Variants in SLC22A3 observed in about 807,000 individuals in gnomAD.
The protein encoded by SLC22A3 is solute carrier family 22 member 3.
SLC22A3 carries 51 observed loss-of-function variants against 59.1 expected under a neutral mutation model. The observed-to-expected ratio is 0.86, with a 90% CI of 0.69 to 1.09. The LOEUF (loss-of-function observed/expected upper bound fraction) is 1.09, where lower values mean the gene tolerates loss of function less well. Among genes scored for constraint, SLC22A3 ranks in the 50% least tolerant of loss-of-function variants. The pLI is 0.00. For synonymous variants in SLC22A3, 325 were observed against 292.0 expected (o/e 1.11, Z -1.15); for missense variants, 711 against 726.3 (o/e 0.98, Z 0.24).
At chr6:160,433,544 T>TACTACC (rs1354381350) in intron 5 of SLC22A3, among the ~76,000 whole-genome samples, 6 of 151,680 alleles carry the variant, frequency 4.0e-5, no homozygotes, top group Non-Finnish European at 8.8e-5. Context: ...CTACTACTAC[T>TACTACC]ACTACTGCTA....
intron 5 of SLC22A3, chr6:160,425,861 A>G (rs1239410970): frequency 1.0e-6 from 1 of 985,320 alleles, no homozygotes; most frequent in Non-Finnish European, 1.2e-6. Context: ...ATTAATTACC[A>G]TGGCCCAGAG....
intron 1 of SLC22A3, among the ~76,000 whole-genome samples, chr6:160,349,602 A>C (rs1049086708): frequency 6.6e-6 from 1 of 152,126 alleles, no homozygotes; most frequent in Non-Finnish European, 1.5e-5. Flanking sequence ...CGATCCCCAC[A>C]TTTTGGGCAG....
At chr6:160,411,215 C>T (rs182423284) in intron 5 of SLC22A3, among the ~76,000 whole-genome samples, 86 of 152,308 alleles carry the variant, frequency 5.6e-4, no homozygotes, top group Admixed American at 1.8e-3. Flanking sequence ...AATATTGAAT[C>T]ATTCATCTTG....
In SLC22A3 at chr6:160,394,731, TGAA is replaced by T. The variant is rs200373381; in HGVS notation, c.430-3240_430-3238del. On this transcript the variant is annotated intron_variant, in intron 1 of 10. Coordinates refer to ENST00000275300, the MANE Select transcript of SLC22A3 (RefSeq NM_021977.4). ...AGGATTTGAGCTGTTTTGGAAGAGC[TGAA>T]GAAGAAGGAGAGGACAGGGGTCAGG... is the stretch of plus-strand genomic sequence containing the variant. Among the ~76,000 whole-genome samples the T allele has an allele frequency of 1.6e-4, 25 of 152,330 alleles. No individual in the cohort carries two copies. The East Asian group carries it at 4.4e-3, about 27-fold the overall frequency.
intron 1 of SLC22A3, among the ~76,000 whole-genome samples, chr6:160,352,877 A>G (rs762488741): frequency 6.6e-6 from 1 of 152,236 alleles, no homozygotes; most frequent in Non-Finnish European, 1.5e-5. Flanking sequence ...GCTGGAGAGC[A>G]GTGGTGCAAT....
intron 1 of SLC22A3, among the ~76,000 whole-genome samples, chr6:160,366,533 G>A (rs1199686293): frequency 6.6e-6 from 1 of 152,178 alleles, no homozygotes; most frequent in East Asian, 1.9e-4. Flanking sequence ...ACCATTCTGG[G>A]TTCTGGAGGA....
At chr6:160,361,792 G>A (rs1785020993) in intron 1 of SLC22A3, among the ~76,000 whole-genome samples, 1 of 152,166 alleles carries the variant, frequency 6.6e-6, no homozygotes, top group Admixed American at 6.5e-5. Context: ...AAATCAACAA[G>A]TAAAAGATAG....
chr6:160,370,240 A>G (rs1210120817), intron 1 of SLC22A3, among the ~76,000 whole-genome samples: 1 of 152,212 alleles, frequency 6.6e-6, no homozygotes, highest in Non-Finnish European at 1.5e-5. Flanking sequence ...TTCAAGGGAA[A>G]GGGAATTAGA....
chr6:160,389,721 C>T (rs532629467), intron 1 of SLC22A3, among the ~76,000 whole-genome samples: 5 of 152,326 alleles, frequency 3.3e-5, no homozygotes, highest in South Asian at 2.1e-4. Flanking sequence ...ACTCATGCCC[C>T]GGCTTAGCAC....
In SLC22A3 at chr6:160,415,049, T is replaced by C. The variant is rs1370912919; in HGVS notation, c.975+4203T>C. 6.6e-6 allele frequency among the ~76,000 whole-genome samples: 1 copy of C among 152,172 alleles called. No homozygotes were observed. Among genetic ancestry groups the C allele is most frequent in the Admixed American group, 6.5e-5 (1 of 15,276 alleles). ...AGTCTCACACATGGAATCACCTATT[T>C]CTCCAAGGGAGCTTTGGTTTTTGAA... On this transcript the variant is annotated intron_variant, in intron 5 of 10. Coordinates refer to ENST00000275300, the MANE Select transcript of SLC22A3 (RefSeq NM_021977.4). This position sits in a 1 kb window ranked among gnomAD's most constrained non-coding sequence, Gnocchi z 4.1.
At chr6:160,362,263 C>T (rs978286050) in intron 1 of SLC22A3, among the ~76,000 whole-genome samples, 2 of 152,194 alleles carry the variant, frequency 1.3e-5, no homozygotes, top group African/African-American at 2.4e-5. Flanking sequence ...AGTTGCATTC[C>T]CCAGATTTTC....
intron 2 of SLC22A3, among the ~76,000 whole-genome samples, chr6:160,398,288 C>T (rs1459563640): frequency 1.3e-5 from 2 of 152,202 alleles, no homozygotes; most frequent in Non-Finnish European, 2.9e-5. Context: ...TTGAACTTCA[C>T]AAAGGTCTGA....
intron 1 of SLC22A3, among the ~76,000 whole-genome samples, chr6:160,396,970 A>G (rs1037027379): frequency 3.3e-5 from 5 of 152,206 alleles, no homozygotes; most frequent in Non-Finnish European, 5.9e-5. Context: ...TGAAAATAAG[A>G]GCTCAAAGAG....
chr6:160,416,663 C>T (rs967240258), intron 5 of SLC22A3, among the ~76,000 whole-genome samples: 1 of 152,152 alleles, frequency 6.6e-6, no homozygotes, highest in African/African-American at 2.4e-5. Flanking sequence ...TTTTACAGTG[C>T]AGTAAATGTG....
At chr6:160,395,933 T>G (rs1193224220) in intron 1 of SLC22A3, among the ~76,000 whole-genome samples, 1 of 152,246 alleles carries the variant, frequency 6.6e-6, no homozygotes, top group African/African-American at 2.4e-5. Flanking sequence ...CTCTTCATGC[T>G]AGAGTCTAAT....
intron 5 of SLC22A3, among the ~76,000 whole-genome samples, chr6:160,429,109 T>A (rs1009584466): frequency 6.6e-6 from 1 of 152,216 alleles, no homozygotes; most frequent in Non-Finnish European, 1.5e-5. Flanking sequence ...CTGATGCTTG[T>A]CTGTAAGACC....
chr6:160,437,054 C>T lies in SLC22A3; in HGVS notation c.1131C>T (p.Gly377=), dbSNP rs752297653. The part of the protein sequence containing the change: ...GLVMRLGIIG[G]NLYIDFFISG... ...TCATGCGCCTGGGAATTATAGGGGG[C>T]AACCTCTATATAGACTTTTTCATCT... The change falls in exon 7 of 11, where the codon GGC becomes GGT. Residue 377 remains glycine (G), a synonymous_variant. Coordinates refer to ENST00000275300, the MANE Select transcript of SLC22A3 (RefSeq NM_021977.4). 6.2e-6 allele frequency: 10 copies of T among 1,614,030 alleles called. No individual in the cohort carries two copies. Among genetic ancestry groups the T allele is most frequent in the Non-Finnish European group, 8.5e-6 (10 of 1,180,012 alleles).
chr6:160,405,858 T>C (rs531543503), intron 2 of SLC22A3, among the ~76,000 whole-genome samples: 1 of 152,066 alleles, frequency 6.6e-6, no homozygotes, highest in Non-Finnish European at 1.5e-5. Context: ...CTATATGACA[T>C]TTTGGAAAAA....
chr6:160,433,656 A>G (rs896394894), intron 5 of SLC22A3, among the ~76,000 whole-genome samples: 18 of 152,154 alleles, frequency 1.2e-4, no homozygotes, highest in East Asian at 3.9e-4. Context: ...GTAGTGAGTC[A>G]TGATTACACC....
Sources: allele counts gnomAD v4.1 joint callset (sites outside exome capture counted in the v4.1 genomes callset), GRCh38; gene constraint gnomAD v4.1.1; non-coding constraint Gnocchi (gnomAD v3.1); transcripts MANE v1.5; gene names NCBI Gene and HGNC (gene_info 2026-07-23, HGNC 2026-07-21).